The following ENKUR variants were observed in gnomAD, a reference collection of about 807,000 sequenced individuals.
The protein encoded by ENKUR is enkurin.
ENKUR carries 19 observed loss-of-function variants against 27.6 expected under a neutral mutation model. The ratio of observed to expected loss-of-function variants is 0.69; its 90% CI spans 0.48 to 1.01. ENKUR has a LOEUF of 1.01. ENKUR is among the 50% of genes least tolerant of loss of function. The pLI is 0.00. For missense variants in ENKUR, 312 were observed against 310.5 expected (o/e 1.00, Z -0.04); for synonymous variants, 117 against 96.9 (o/e 1.21, Z -1.22).
At chr10:25,016,969 T>C (rs1430272880), upstream of ENKUR, among the ~76,000 whole-genome samples, 1 of 152,162 alleles carries the variant, frequency 6.6e-6, no homozygotes, top group Non-Finnish European at 1.5e-5. Context: ...GCCCGCCACG[T>C]GTGTGAGTGC....
chr10:25,025,598 C>A, intron 2 of ENKUR: 1 of 793,658 alleles, frequency 1.3e-6, no homozygotes, highest in Non-Finnish European at 2.0e-6. Context: ...ATCTCTAGGG[C>A]TGACATGAGA....
At chr10:25,050,846 A>G (rs1280391972) in intron 2 of ENKUR, among the ~76,000 whole-genome samples, 1 of 152,174 alleles carries the variant, frequency 6.6e-6, no homozygotes, top group Non-Finnish European at 1.5e-5. Flanking sequence ...CAAACAATAT[A>G]TATGTACCCT....
intron 2 of ENKUR, chr10:25,024,513 A>G (rs773282612): frequency 2.2e-5 from 35 of 1,614,116 alleles, no homozygotes; most frequent in Non-Finnish European, 2.6e-5. Flanking sequence ...ATGGATGGGC[A>G]GTGGGTGTTG....
chr10:25,035,882 T>A (rs1391254301), intron 2 of ENKUR, among the ~76,000 whole-genome samples: 7 of 152,232 alleles, frequency 4.6e-5, no homozygotes, highest in Admixed American at 4.6e-4. Flanking sequence ...TAAATCTTGA[T>A]CTTTGGGCGT....
intron 1 of ENKUR, among the ~76,000 whole-genome samples, chr10:25,003,185 T>TTA (rs1564340757): frequency 6.0e-5 from 9 of 149,446 alleles, no homozygotes; most frequent in Non-Finnish European, 9.0e-5. Context: ...TTAATTAATT[T>TTA]ATTTATTTAT....
chr10:25,025,347 A>G (rs559393591), intron 2 of ENKUR: 4 of 1,614,212 alleles, frequency 2.5e-6, no homozygotes, highest in Admixed American at 3.3e-5. Context: ...ATGAGGCTTT[A>G]TTAGAGAGAA....
intron 3 of ENKUR, among the ~76,000 whole-genome samples, chr10:24,992,971 G>A (rs1849958243): frequency 6.6e-6 from 1 of 152,116 alleles, no homozygotes; most frequent in Non-Finnish European, 1.5e-5. Context: ...ATCACAGAAA[G>A]ATTAAATTAT....
At chr10:25,023,119 G>C in intron 2 of ENKUR, 1 of 1,105,748 alleles carries the variant, frequency 9.0e-7, no homozygotes, top group Non-Finnish European at 1.3e-6. Context: ...ACAATCTACT[G>C]TAATTAGTAA....
chr10:25,043,844 T>C (rs939537403), intron 2 of ENKUR, among the ~76,000 whole-genome samples: 15 of 152,096 alleles, frequency 9.9e-5, no homozygotes, highest in Non-Finnish European at 1.9e-4. Context: ...ACTGATTCTT[T>C]CTTCTGTTGT....
At chr10:25,023,522 C>G in intron 2 of ENKUR, 1 of 1,614,026 alleles carries the variant, frequency 6.2e-7, no homozygotes, top group Non-Finnish European at 8.5e-7. Flanking sequence ...ATGAGTGTGT[C>G]TGAAAAATTA....
chr10:25,047,852 C>T (rs1851137587), intron 2 of ENKUR, among the ~76,000 whole-genome samples: 1 of 152,156 alleles, frequency 6.6e-6, no homozygotes, highest in Non-Finnish European at 1.5e-5. Context: ...ACATACATAG[C>T]ATAAAAAGAA....
At chr10:25,047,333 G>C (rs796477228) in intron 2 of ENKUR, among the ~76,000 whole-genome samples, 21 of 152,264 alleles carry the variant, frequency 1.4e-4, no homozygotes, top group African/African-American at 4.8e-4. Context: ...TGATTATCCA[G>C]ACTAATTGTG....
intron 5 of ENKUR, 68 bp downstream of exon 5, chr10:24,984,668 G>A (rs528389791): frequency 1.0e-5 from 15 of 1,441,720 alleles, no homozygotes; most frequent in Non-Finnish European, 1.3e-5. Context: ...AAAACTTGGA[G>A]TTTTTTATAT....
intron 2 of ENKUR, among the ~76,000 whole-genome samples, chr10:25,060,250 G>C (rs547612026): frequency 3.9e-5 from 6 of 152,084 alleles, no homozygotes; most frequent in Non-Finnish European, 8.8e-5. Context: ...CAAGCAGACC[G>C]GGCGCCAGGC....
intron 4 of ENKUR, among the ~76,000 whole-genome samples, chr10:24,988,258 A>ATATATT: frequency 2.1e-5 from 3 of 140,438 alleles, no homozygotes; most frequent in African/African-American, 8.5e-5. Flanking sequence ...ATATGTGTAT[A>ATATATT]TATATATTTA....
intron 1 of ENKUR, among the ~76,000 whole-genome samples, chr10:25,009,858 T>G (rs780343677): frequency 8.5e-5 from 13 of 152,162 alleles, no homozygotes; most frequent in Non-Finnish European, 1.6e-4. Flanking sequence ...CTTCACCTTC[T>G]CCCATGATTG....
intron 2 of ENKUR, among the ~76,000 whole-genome samples, chr10:25,052,887 A>C (rs1199467666): frequency 6.6e-6 from 1 of 152,012 alleles, no homozygotes; most frequent in Non-Finnish European, 1.5e-5. Flanking sequence ...TTCCTGCCTC[A>C]GCCTCCCGAG....
upstream of ENKUR, among the ~76,000 whole-genome samples, chr10:25,017,922 A>G (rs1020467523): frequency 6.6e-6 from 1 of 152,214 alleles, no homozygotes; most frequent in African/African-American, 2.4e-5. Flanking sequence ...AGCCAAGTGG[A>G]TAGTCACTGG....
At chr10:25,039,277 T>G (rs1851037348) in intron 2 of ENKUR, among the ~76,000 whole-genome samples, 1 of 152,158 alleles carries the variant, frequency 6.6e-6, no homozygotes. Context: ...GCTGTTGTAC[T>G]GTCATTCAAA....
Sources: gnomAD v4.1 joint callset for allele counts (sites outside exome capture counted in the v4.1 genomes callset) on GRCh38, gnomAD v4.1.1 for gene constraint, MANE v1.5 for transcripts, NCBI Gene and HGNC (gene_info 2026-07-23, HGNC 2026-07-21) for gene names.